The following EPB41L2 variants were observed in gnomAD, a reference collection of about 807,000 sequenced individuals.
The protein encoded by EPB41L2 is band 4.1-like protein 2.
EPB41L2 carries 43 observed loss-of-function variants against 113.0 expected under a neutral mutation model. The observed-to-expected ratio is 0.38, with a 90% CI of 0.30 to 0.49. The LOEUF is 0.49. EPB41L2 is among the 20% of genes least tolerant of loss of function. EPB41L2 has a pLI of 0.95. For missense variants in EPB41L2, 1,147 were observed against 1,223.4 expected (o/e 0.94, Z 0.93); for synonymous variants, 442 against 436.7 (o/e 1.01, Z -0.15).
chr6:130,846,580 T>C (rs1260788490), intron 19 of EPB41L2, among the ~76,000 whole-genome samples: 2 of 152,208 alleles, frequency 1.3e-5, no homozygotes, highest in East Asian at 3.9e-4. Context: ...GTTCTACAAA[T>C]AATTCAGCAA....
intron 1 of EPB41L2, among the ~76,000 whole-genome samples, chr6:131,012,528 A>G (rs17784418): frequency 0.27 from 40,588 of 148,376 alleles, 6,781 homozygotes; most frequent in Non-Finnish European, 0.37. Context: ...CTTATTAACT[A>G]TACAATGAAG....
At chr6:130,877,856 G>A (rs1192024249) in intron 14 of EPB41L2, among the ~76,000 whole-genome samples, 1 of 151,486 alleles carries the variant, frequency 6.6e-6, no homozygotes, top group Non-Finnish European at 1.5e-5. Flanking sequence ...CAATTTACCT[G>A]AGTAAAATAG....
chr6:130,883,692 G>C (rs1164026471), intron 12 of EPB41L2, among the ~76,000 whole-genome samples: 1 of 152,210 alleles, frequency 6.6e-6, no homozygotes, highest in African/African-American at 2.4e-5. Context: ...TGGGTGCCTT[G>C]TTAGCAAAAT....
intron 1 of EPB41L2, among the ~76,000 whole-genome samples, chr6:130,989,009 A>C (rs911390510): frequency 3.3e-5 from 5 of 152,172 alleles, no homozygotes; most frequent in African/African-American, 7.2e-5. Flanking sequence ...GAATTGCTTG[A>C]ACCCAGGAGG....
At chr6:130,975,419 A>C (rs997199038) in intron 1 of EPB41L2, among the ~76,000 whole-genome samples, 8 of 152,194 alleles carry the variant, frequency 5.3e-5, no homozygotes, top group Non-Finnish European at 1.2e-4. Context: ...TCATAATTTG[A>C]CTTTTAAAAA....
chr6:130,927,750 G>A (rs1805248584), intron 3 of EPB41L2, among the ~76,000 whole-genome samples: 1 of 152,152 alleles, frequency 6.6e-6, no homozygotes, highest in African/African-American at 2.4e-5. Flanking sequence ...GCATCAAATT[G>A]TAAAGGGAAG....
intron 1 of EPB41L2, among the ~76,000 whole-genome samples, chr6:131,048,180 A>G (rs1795865491): frequency 6.6e-6 from 1 of 151,642 alleles, no homozygotes; most frequent in African/African-American, 2.4e-5. Context: ...AGAAAAATCT[A>G]AAAACAATAA....
chr6:130,890,462 C>T lies in EPB41L2; in HGVS notation c.1492G>A (p.Val498Ile). 6.7e-7 allele frequency: 1 copy of T among 1,487,474 alleles called. No homozygotes were observed. Among genetic ancestry groups the T allele is most frequent in the Non-Finnish European group, 8.9e-7 (1 of 1,123,938 alleles). The allele number at this position is 1,487,474 out of a possible 1,614,324, so 92.1% of individuals were successfully genotyped here. The change falls in exon 11 of 20, where the codon GTT becomes ATT. Residue 498 changes from valine (V) to isoleucine (I), a missense_variant. Coordinates refer to ENST00000337057, the MANE Select transcript of EPB41L2 (RefSeq NM_001431.4). ...CVEHHTFYRL[V>I]SPEQPPKAKF... Reference sequence around the variant, plus strand: ...GCTTTTGGTGGCTGCTCTGGAGAAACAAGCCTATGGGAGGAAAAAAAAAAA... The same window carrying T: ...GCTTTTGGTGGCTGCTCTGGAGAAATAAGCCTATGGGAGGAAAAAAAAAAA...
intron 4 of EPB41L2, among the ~76,000 whole-genome samples, chr6:130,924,384 C>CTTT (rs57006889): frequency 6.7e-6 from 1 of 148,200 alleles, no homozygotes; most frequent in Admixed American, 6.7e-5. Flanking sequence ...TCATGGAGTT[C>CTTT]TTTTTTTTTT....
At chr6:130,903,391 A>G (rs1796820690) in intron 6 of EPB41L2, among the ~76,000 whole-genome samples, 3 of 131,844 alleles carry the variant, frequency 2.3e-5, no homozygotes. Context: ...TTCAGCAACA[A>G]GTAGTTTAAA....
At chr6:130,865,773 G>C (rs1380893207) in intron 16 of EPB41L2, 139 bp from the exon 17 acceptor site, 4 of 820,922 alleles carry the variant, frequency 4.9e-6, no homozygotes, top group Non-Finnish European at 5.7e-6. Flanking sequence ...CCATCCAGGA[G>C]AGCGGCTGGT....
At chr6:130,901,349 T>C (rs1046513011) in intron 6 of EPB41L2, among the ~76,000 whole-genome samples, 169 bp from the exon 7 acceptor site, 4 of 152,204 alleles carry the variant, frequency 2.6e-5, no homozygotes, top group African/African-American at 9.6e-5. Context: ...AACTTGCTCC[T>C]TGGGCTTCTA....
intron 1 of EPB41L2, among the ~76,000 whole-genome samples, chr6:131,011,749 G>A (rs754697132): frequency 7.9e-5 from 12 of 152,282 alleles, no homozygotes; most frequent in Admixed American, 2.6e-4. Flanking sequence ...GTCGACTACC[G>A]TGGCTAATAG....
chr6:130,859,510 CA>C (rs780156217), intron 18 of EPB41L2, among the ~76,000 whole-genome samples: 184 of 102,562 alleles, frequency 1.8e-3, no homozygotes, highest in Admixed American at 2.2e-3. Flanking sequence ...GACTTTGTCT[CA>C]AAAAAAAAAA....
intron 1 of EPB41L2, among the ~76,000 whole-genome samples, chr6:131,009,607 C>G (rs1303591776): frequency 6.6e-6 from 1 of 151,010 alleles, no homozygotes; most frequent in African/African-American, 2.4e-5. Flanking sequence ...AGCCATAATC[C>G]AACCACAGCT....
Position 131,023,307 on chromosome 6 carries a change from T to C in EPB41L2, c.-15+39848A>G, listed in dbSNP as rs145104516. The stretch of plus-strand genomic sequence containing the variant: ...AACGGCCTAATTTATTTCCTATTAT[T>C]TCTTATTTATTTTCCTGTGTTGTCC... On this transcript the variant is annotated intron_variant, in intron 1 of 19. Transcript: ENST00000337057. 3.3e-3 allele frequency among the ~76,000 whole-genome samples: 505 copies of C among 151,852 alleles called. 3 individuals are homozygous for C. Among genetic ancestry groups the C allele is most frequent in the African/African-American group, 0.012 (477 of 41,112 alleles).
At chr6:131,058,026 C>T (rs1202539458) in intron 1 of EPB41L2, among the ~76,000 whole-genome samples, 2 of 152,178 alleles carry the variant, frequency 1.3e-5, no homozygotes, top group Non-Finnish European at 1.5e-5. Flanking sequence ...AAAGATTGTT[C>T]TTATCCTTCA....
intron 1 of EPB41L2, among the ~76,000 whole-genome samples, chr6:131,001,014 ATAAACAAAGAC>A (rs1248414950): frequency 6.6e-6 from 1 of 152,214 alleles, no homozygotes; most frequent in Non-Finnish European, 1.5e-5. Context: ...ATAATGAATA[ATAAACAAAGAC>A]TAAAGAGAAA....
chr6:130,976,336 A>C (rs1207378062), intron 1 of EPB41L2, among the ~76,000 whole-genome samples: 1 of 152,196 alleles, frequency 6.6e-6, no homozygotes, highest in Non-Finnish European at 1.5e-5. Flanking sequence ...CCACAGTTTA[A>C]CTTCTCTCAG....
Sources: allele counts gnomAD v4.1 joint callset (sites outside exome capture counted in the v4.1 genomes callset), GRCh38; gene constraint gnomAD v4.1.1; transcripts MANE v1.5; gene names NCBI Gene and HGNC (gene_info 2026-07-23, HGNC 2026-07-21).